Variants in SYT2 observed in about 807,000 individuals in gnomAD.
SYT2 encodes the protein synaptotagmin-2.
SYT2 carries 15 observed loss-of-function variants against 39.9 expected under a neutral mutation model. The ratio of observed to expected loss-of-function variants is 0.38; its 90% confidence interval spans 0.25 to 0.58. The LOEUF (loss-of-function observed/expected upper bound fraction) is 0.58. Ranked by LOEUF, SYT2 falls within the 20% of genes least tolerant of loss-of-function variation. SYT2 has a pLI of 0.70. For missense variants in SYT2, 389 were observed against 530.3 expected, an observed-to-expected ratio of 0.73 and a Z score of 2.62; for synonymous variants, 181 against 204.5, an observed-to-expected ratio of 0.89 and a Z score of 0.98.
At chr1:202,701,258 C>T (rs187910945) in intron 1 of SYT2, among the ~76,000 whole-genome samples, 2 of 152,312 alleles carry the variant, frequency 1.3e-5, no homozygotes, top group African/African-American at 2.4e-5. Context: ...GCCTGCTCAA[C>T]ACCCAAGTCT....
At position 202,592,132 on chromosome 1, in the gene SYT2, C is replaced by T. The variant is rs953305730; in HGVS notation, c.*4625G>A. ...AGGCCAAATCTCCAGCAGGAGGCCC[C>T]CTTTATGGCTTTTCAGTGAATTCAA... On this transcript the variant is annotated 3_prime_UTR_variant, in exon 9 of 9. Coordinates refer to ENST00000367268, the MANE Select transcript of SYT2 (RefSeq NM_177402.5). 1.3e-5 allele frequency: 2 copies of T among 152,820 alleles called. No homozygotes were observed. Among genetic ancestry groups the T allele is most frequent in the African/African-American group, 4.8e-5 (2 of 41,454 alleles). The allele number at this position is 152,820 out of a possible 1,614,324, so 9.5% of individuals were successfully genotyped here.
intron 1 of SYT2, among the ~76,000 whole-genome samples, chr1:202,685,865 G>A (rs1653650099): frequency 6.6e-6 from 1 of 152,080 alleles, no homozygotes; most frequent in Non-Finnish European, 1.5e-5. Flanking sequence ...CTGCAAGCAA[G>A]GCGAGGGAAT....
intron 1 of SYT2, among the ~76,000 whole-genome samples, chr1:202,625,708 C>T (rs1300376146): frequency 6.6e-6 from 1 of 152,168 alleles, no homozygotes; most frequent in Non-Finnish European, 1.5e-5. Flanking sequence ...GGCTCCCTCC[C>T]AGGCCCCCAG....
chr1:202,599,183 C>A lies in SYT2; in HGVS notation c.1053+35G>T, dbSNP rs1690408339. ...CCCATACATGTTTGCCTCCCCAAAC[C>A]CTGCTCCATGCCTAGGAACCCAGGG... On this transcript the variant is annotated intron_variant, in intron 8 of 8. Coordinates refer to ENST00000367268, the MANE Select transcript of SYT2 (RefSeq NM_177402.5). This position sits in a 1 kb window ranked among gnomAD's most constrained non-coding sequence, Gnocchi z 4.4. 6.2e-7 allele frequency: 1 copy of A among 1,610,830 alleles called. No homozygotes were observed. The highest frequency in any genetic ancestry group is 2.2e-5 in the East Asian group (1 of 44,712).
At chr1:202,699,978 C>T (rs1654071540) in intron 1 of SYT2, among the ~76,000 whole-genome samples, 1 of 152,076 alleles carries the variant, frequency 6.6e-6, no homozygotes, top group African/African-American at 2.4e-5. Context: ...AGCCTCAAAC[C>T]CCTTCCTTTA....
intron 1 of SYT2, among the ~76,000 whole-genome samples, chr1:202,667,699 T>TTTTAC (rs890560137): frequency 2.4e-4 from 36 of 151,728 alleles, no homozygotes; most frequent in Middle Eastern, 6.8e-3. Flanking sequence ...TTTCTTTTAT[T>TTTTAC]TTTATTTTAT....
chr1:202,611,504 C>T (rs1033555235), intron 1 of SYT2, among the ~76,000 whole-genome samples: 13 of 151,872 alleles, frequency 8.6e-5, no homozygotes, highest in African/African-American at 1.5e-4. Context: ...TATAGGCGCT[C>T]ACCACCATGC....
chr1:202,687,436 C>A (rs1187416503), intron 1 of SYT2, among the ~76,000 whole-genome samples: 3 of 152,124 alleles, frequency 2.0e-5, no homozygotes, highest in Admixed American at 6.5e-5. Flanking sequence ...AGCCTTGACT[C>A]CACGGGGCCA....
chr1:202,663,954 C>T (rs1692436886), intron 1 of SYT2, among the ~76,000 whole-genome samples: 1 of 152,158 alleles, frequency 6.6e-6, no homozygotes, highest in Non-Finnish European at 1.5e-5. Flanking sequence ...AGCCAAGTTA[C>T]AAAACTCCAG....
At chr1:202,632,915 A>C (rs923060507) in intron 1 of SYT2, 1 of 152,118 alleles carries the variant, frequency 6.6e-6, no homozygotes, top group African/African-American at 2.4e-5. Context: ...CCCACCACAG[A>C]GGGGTAAATG....
chr1:202,692,528 C>T (rs1280880559), intron 1 of SYT2, among the ~76,000 whole-genome samples: 1 of 152,220 alleles, frequency 6.6e-6, no homozygotes, highest in Non-Finnish European at 1.5e-5. Context: ...TAAACTGGCC[C>T]CACTCTAACT....
chr1:202,619,442 G>A (rs958198761), intron 1 of SYT2, among the ~76,000 whole-genome samples: 1 of 152,190 alleles, frequency 6.6e-6, no homozygotes, highest in African/African-American at 2.4e-5. Flanking sequence ...TAGGGGTCTG[G>A]GAGGCCCCAA....
At chr1:202,642,497 C>T (rs1259365915) in intron 1 of SYT2, among the ~76,000 whole-genome samples, 1 of 152,198 alleles carries the variant, frequency 6.6e-6, no homozygotes. Flanking sequence ...CCAGCTGCCC[C>T]CTCCCATCGC....
rs187849884 is a variant in SYT2 at position 202,634,547 on chromosome 1, T to G, written c.-17-28758A>C. ...ATCCTAGGCATATACCCGAGAGAAA[T>G]GAAAACACATATCCTTACGAAAACC... On this transcript the variant is annotated intron_variant, in intron 1 of 8. Transcript: ENST00000367268. Among the ~76,000 whole-genome samples, 64 of 149,788 alleles carry G rather than the reference T, an allele frequency of 4.3e-4. 1 individual carries two copies. The highest frequency in any genetic ancestry group is 1.1e-3 in the Admixed American group (17 of 15,088).
intron 1 of SYT2, among the ~76,000 whole-genome samples, chr1:202,688,084 G>A (rs1384171820): frequency 6.6e-6 from 1 of 152,152 alleles, no homozygotes; most frequent in African/African-American, 2.4e-5. Flanking sequence ...CCCCATTTGT[G>A]AGCAAAAGCC....
chr1:202,642,790 C>T (rs1691955482), intron 1 of SYT2, among the ~76,000 whole-genome samples: 1 of 152,238 alleles, frequency 6.6e-6, no homozygotes, highest in South Asian at 2.1e-4. Flanking sequence ...GAGGCAGGCG[C>T]TGCAGGGTCC....
intron 1 of SYT2, among the ~76,000 whole-genome samples, chr1:202,645,975 C>T (rs941759352): frequency 3.9e-5 from 6 of 152,298 alleles, no homozygotes; most frequent in South Asian, 2.1e-4. Context: ...GGCAGCAGGG[C>T]GAGGAAGGGA....
At chr1:202,620,500 G>A (rs1355408512) in intron 1 of SYT2, among the ~76,000 whole-genome samples, 1 of 151,838 alleles carries the variant, frequency 6.6e-6, no homozygotes. Context: ...GAGCTGTCAG[G>A]GCAGAAAGCA....
chr1:202,695,674 C>T (rs1653956423), intron 1 of SYT2, among the ~76,000 whole-genome samples: 1 of 152,210 alleles, frequency 6.6e-6, no homozygotes, highest in African/African-American at 2.4e-5. Context: ...CTCTCACAGA[C>T]ATCCAGACAG....
Sources: allele counts gnomAD v4.1 joint callset (sites outside exome capture counted in the v4.1 genomes callset), GRCh38; gene constraint gnomAD v4.1.1; non-coding constraint Gnocchi (gnomAD v3.1); transcripts MANE v1.5; gene names NCBI Gene and HGNC (gene_info 2026-07-23, HGNC 2026-07-21).